Variants in B3GALT1 observed in about 807,000 individuals in gnomAD.
B3GALT1 encodes beta-1,3-galactosyltransferase 1, also known as UDP-Gal:betaGlcNAc beta 1,3-galactosyltransferase, polypeptide 1.
Under a neutral mutation model 23.2 loss-of-function variants are expected in B3GALT1, and 10 were observed. That is an observed-to-expected ratio of 0.43 (90% CI 0.27 to 0.73). The LOEUF is 0.73. Among genes scored for constraint, B3GALT1 ranks in the 30% least tolerant of loss-of-function variants. B3GALT1 has a pLI of 0.21. For synonymous variants in B3GALT1, 156 were observed against 141.5 expected (o/e 1.10, Z -0.73); for missense variants, 299 against 405.4 (o/e 0.74, Z 2.25).
At chr2:167,427,391 A>G (rs919709912) in intron 1 of B3GALT1, among the ~76,000 whole-genome samples, 1 of 152,218 alleles carries the variant, frequency 6.6e-6, no homozygotes, top group Non-Finnish European at 1.5e-5. Flanking sequence ...GACCTTATAA[A>G]TGTTAATATT....
intron 2 of B3GALT1, among the ~76,000 whole-genome samples, chr2:167,590,268 C>A (rs1684655789): frequency 6.7e-6 from 1 of 149,366 alleles, no homozygotes; most frequent in African/African-American, 2.5e-5. Context: ...ATGGTGTGAA[C>A]CCGGGAGGCA....
chr2:167,537,210 G>A (rs981388589), intron 2 of B3GALT1, among the ~76,000 whole-genome samples: 3 of 151,986 alleles, frequency 2.0e-5, no homozygotes, highest in African/African-American at 4.8e-5. Context: ...GAAAACTCCC[G>A]TTTATAAAAC....
intron 2 of B3GALT1, among the ~76,000 whole-genome samples, chr2:167,594,541 T>G (rs1684743589): frequency 1.3e-5 from 2 of 152,130 alleles, no homozygotes; most frequent in South Asian, 4.1e-4. Flanking sequence ...TTCCAGAGTG[T>G]TTTTTTAAAC....
At chr2:167,676,021 A>C (rs73017420) in intron 3 of B3GALT1, among the ~76,000 whole-genome samples, 2 of 151,720 alleles carry the variant, frequency 1.3e-5, no homozygotes, top group African/African-American at 4.9e-5. Context: ...CTGGTTCTCC[A>C]CATGGCACAG....
At chr2:167,454,277 A>G (rs755790246) in intron 1 of B3GALT1, among the ~76,000 whole-genome samples, 1 of 152,224 alleles carries the variant, frequency 6.6e-6, no homozygotes, top group Non-Finnish European at 1.5e-5. Context: ...GGCAGAGCCA[A>G]CTATATGCGA....
chr2:167,491,873 G>A (rs1699715257), intron 2 of B3GALT1, among the ~76,000 whole-genome samples: 1 of 151,734 alleles, frequency 6.6e-6, no homozygotes, highest in African/African-American at 2.4e-5. Flanking sequence ...TACACAGAGA[G>A]CTTCCACATA....
chr2:167,497,515 G>C (rs189521111), intron 2 of B3GALT1, among the ~76,000 whole-genome samples: 89 of 152,254 alleles, frequency 5.8e-4, no homozygotes, highest in African/African-American at 2.0e-3. Context: ...TTCTGGGAAA[G>C]GATGTTCCTT....
intron 2 of B3GALT1, among the ~76,000 whole-genome samples, chr2:167,601,341 C>T (rs1226991751): frequency 6.6e-6 from 1 of 152,202 alleles, no homozygotes; most frequent in Non-Finnish European, 1.5e-5. Flanking sequence ...GCCACCACGC[C>T]CAGCCTAGAT....
chr2:167,567,992 T>A (rs1684207402), intron 2 of B3GALT1, among the ~76,000 whole-genome samples: 1 of 152,130 alleles, frequency 6.6e-6, no homozygotes, highest in African/African-American at 2.4e-5. Flanking sequence ...GTATGTAGCA[T>A]TTTTCAGATC....
chr2:167,835,192 G>C (rs1481816001), intron 4 of B3GALT1, among the ~76,000 whole-genome samples: 3 of 152,166 alleles, frequency 2.0e-5, no homozygotes, highest in Non-Finnish European at 4.4e-5. Flanking sequence ...AGGTTAGTGG[G>C]TGCAGCACAC....
At chr2:167,757,987 C>A (rs1687843766) in intron 3 of B3GALT1, among the ~76,000 whole-genome samples, 1 of 152,290 alleles carries the variant, frequency 6.6e-6, no homozygotes, top group South Asian at 2.1e-4. Flanking sequence ...ACTAAGAGAT[C>A]ATTTTTATTA....
intron 4 of B3GALT1, among the ~76,000 whole-genome samples, chr2:167,848,178 A>AC (rs1388719968): frequency 6.6e-6 from 1 of 152,196 alleles, no homozygotes; most frequent in Non-Finnish European, 1.5e-5. Flanking sequence ...CAGAATTGGT[A>AC]CCAATCCTTT....
chr2:167,447,079 C>T (rs1699009923), intron 1 of B3GALT1, among the ~76,000 whole-genome samples: 1 of 152,188 alleles, frequency 6.6e-6, no homozygotes, highest in South Asian at 2.1e-4. Flanking sequence ...TTCCTTCTAA[C>T]AGTCAGGACC....
intron 1 of B3GALT1, among the ~76,000 whole-genome samples, chr2:167,450,034 G>A (rs942081365): frequency 4.6e-5 from 7 of 152,090 alleles, no homozygotes; most frequent in South Asian, 2.1e-4. Context: ...ATTCATCAGC[G>A]ATGTTGGTGT....
At chr2:167,412,731 C>A (rs1187456331) in intron 1 of B3GALT1, among the ~76,000 whole-genome samples, 5 of 152,036 alleles carry the variant, frequency 3.3e-5, no homozygotes, top group African/African-American at 1.2e-4. Context: ...AAATTACACA[C>A]CTATTATAGA....
chr2:167,710,288 G>C (rs17581555), intron 3 of B3GALT1, among the ~76,000 whole-genome samples: 31,838 of 152,176 alleles, frequency 0.21, 4,263 homozygotes, highest in South Asian at 0.3. Context: ...GTAACTTATT[G>C]TGTATGGCTT....
intron 3 of B3GALT1, among the ~76,000 whole-genome samples, chr2:167,774,487 TTTTTTTTTTG>T (rs1688126021): frequency 8.1e-5 from 7 of 86,262 alleles, no homozygotes; most frequent in South Asian, 7.7e-4. Context: ...TTTTTTTTGT[TTTTTTTTTTG>T]TTTTTTTTTT....
intron 2 of B3GALT1, among the ~76,000 whole-genome samples, chr2:167,639,072 G>A (rs1195408207): frequency 6.6e-6 from 1 of 151,996 alleles, no homozygotes; most frequent in African/African-American, 2.4e-5. Context: ...TTGTACATAT[G>A]CTCAAAAATG....
intron 1 of B3GALT1, among the ~76,000 whole-genome samples, chr2:167,489,800 C>T (rs1699681261): frequency 6.6e-6 from 1 of 152,108 alleles, no homozygotes; most frequent in Non-Finnish European, 1.5e-5. Flanking sequence ...TTAGAACTAA[C>T]AATATTCTAC....
Sources: allele counts gnomAD v4.1 joint callset (sites outside exome capture counted in the v4.1 genomes callset), GRCh38; gene constraint gnomAD v4.1.1; transcripts MANE v1.5; gene names NCBI Gene and HGNC (gene_info 2026-07-23, HGNC 2026-07-21).